PWWP2B: variants seen among roughly 807,000 people sequenced by gnomAD.
The protein encoded by PWWP2B is PWWP domain-containing protein 2B.
A neutral mutation model predicts 15.5 loss-of-function variants in PWWP2B; 9 were observed. That is an observed-to-expected ratio of 0.58 (90% CI 0.35 to 1.02). PWWP2B has a LOEUF of 1.02. PWWP2B is among the 50% of genes least tolerant of loss of function. The pLI, the probability that PWWP2B is intolerant of heterozygous loss-of-function variation, is 0.02. For synonymous variants in PWWP2B, 474 were observed against 403.6 expected, an observed-to-expected ratio of 1.17 and a Z score of -2.09; for missense variants, 864 against 865.3, an observed-to-expected ratio of 1.00 and a Z score of 0.02.
At chr10:132,399,416 C>T (rs978339260) in intron 1 of PWWP2B, among the ~76,000 whole-genome samples, 9 of 152,350 alleles carry the variant, frequency 5.9e-5, no homozygotes, top group Non-Finnish European at 1.0e-4. Context: ...CTCACACAGG[C>T]GCCGGGATGC....
At chr10:132,397,445 G>C in intron 1 of PWWP2B, 94 bp downstream of exon 1, 1 of 1,110,910 alleles carries the variant, frequency 9.0e-7, no homozygotes, top group Non-Finnish European at 1.1e-6. Flanking sequence ...CGGGTTGGGG[G>C]TGGCGTGGCC....
chr10:132,410,148 G>C (rs549632746), intron 2 of PWWP2B, among the ~76,000 whole-genome samples: 2 of 152,150 alleles, frequency 1.3e-5, no homozygotes, highest in South Asian at 4.1e-4. Flanking sequence ...GGAGAGTGAC[G>C]GGGGACGGGG....
rs199941379 is a variant in PWWP2B, at chr10:132,405,850, C to T, written c.1350C>T (p.His450=). The T allele has an allele frequency of 1.1e-5, 17 of 1,610,796 alleles. No individual in the cohort carries two copies. The highest frequency in any genetic ancestry group is 3.3e-5 in the South Asian group (3 of 91,026). Residue 450 remains histidine, a synonymous_variant, in exon 2 of 3, where the codon CAC becomes CAT. Transcript: ENST00000305233. ...ACACGGGTGACCTCTCGCCTGGCCA[C>T]GGCGCGTCAGCGCCCTCGGTGTCCA... The part of the protein sequence containing the change: ...PADTGDLSPG[H]GASAPSVSRE...
At chr10:132,413,936 C>T (rs116667733) in intron 2 of PWWP2B, among the ~76,000 whole-genome samples, 2,963 of 152,258 alleles carry the variant, frequency 0.019, 92 homozygotes, top group African/African-American at 0.067. Flanking sequence ...GCACGAGACT[C>T]CGACCCCGTG....
chr10:132,400,471 C>G (rs559672957), intron 1 of PWWP2B, among the ~76,000 whole-genome samples: 6 of 152,246 alleles, frequency 3.9e-5, no homozygotes, highest in African/African-American at 1.4e-4. Flanking sequence ...CCTGGAGATC[C>G]TGGGGCAGGT....
In PWWP2B at chr10:132,406,107, C is replaced by T. The variant is rs878904068; in HGVS notation, c.1607C>T (p.Thr536Met). Residue 536 changes from threonine (T) to methionine (M), a missense_variant, in exon 2 of 3, where the codon ACG becomes ATG. This residue lies in a region of PWWP2B where 128 missense variants were observed against 177.6 expected (regional missense o/e 0.72). Transcript: ENST00000305233. Reference protein sequence around the residue: ...AKVSWFGSPTTSFLSISKLSP... With the variant: ...AKVSWFGSPTMSFLSISKLSP... ...GTCTCGTGGTTTGGTTCTCCGACTACGTCGTTCTTGTCTATTTCAAAACTC... is the reference window on the plus strand; with the variant it reads ...GTCTCGTGGTTTGGTTCTCCGACTATGTCGTTCTTGTCTATTTCAAAACTC... The T allele has an allele frequency of 4.3e-6, 7 of 1,613,858 alleles. No homozygotes were observed. In the South Asian group the frequency reaches 4.4e-5, roughly 10 times the overall value.
intron 1 of PWWP2B, 129 bp downstream of exon 1, chr10:132,397,480 C>G (rs1590753061): frequency 6.2e-6 from 6 of 975,382 alleles, no homozygotes; most frequent in African/African-American, 1.8e-5. Context: ...CGGTTTCTGC[C>G]GAGCCTGAGT....
chr10:132,401,499 A>G (rs2069615666), intron 1 of PWWP2B, among the ~76,000 whole-genome samples: 1 of 151,984 alleles, frequency 6.6e-6, no homozygotes, highest in East Asian at 1.9e-4. Context: ...ATCTAGCTCC[A>G]GGGCCACTCC....
intron 1 of PWWP2B, among the ~76,000 whole-genome samples, chr10:132,403,758 C>T (rs908249668): frequency 4.6e-5 from 7 of 151,306 alleles, no homozygotes; most frequent in South Asian, 2.1e-4. Flanking sequence ...CTGTGGCAGC[C>T]GCGGGGCCTT....
At chr10:132,414,106 G>A (rs1464111169) in intron 2 of PWWP2B, among the ~76,000 whole-genome samples, 1 of 152,232 alleles carries the variant, frequency 6.6e-6, no homozygotes, top group Non-Finnish European at 1.5e-5. Context: ...GTGAGGAGCG[G>A]CCAGTGCTGC....
chr10:132,409,168 C>T lies in PWWP2B; in HGVS notation c.*16+2879C>T, dbSNP rs532702572. On this transcript the variant is annotated intron_variant, in intron 2 of 2. Coordinates refer to ENST00000305233, the MANE Select transcript of PWWP2B (RefSeq NM_138499.4). ...CCTCTGAGTGAGCCGCACTCCACCC[C>T]GGTGGTCACGGCCGGCTCCAGGGCC... is the stretch of plus-strand genomic sequence containing the variant. 3.8e-3 allele frequency among the ~76,000 whole-genome samples: 579 copies of T among 152,322 alleles called. 2 individuals are homozygous for T. Among genetic ancestry groups the T allele is most frequent in the African/African-American group, 0.013 (556 of 41,580 alleles).
chr10:132,401,976 C>G (rs956080511), intron 1 of PWWP2B, among the ~76,000 whole-genome samples: 1 of 152,198 alleles, frequency 6.6e-6, no homozygotes, highest in East Asian at 1.9e-4. Context: ...CGCTGGGGTG[C>G]GGCCTGGGCA....
chr10:132,405,758 G>A lies in PWWP2B; in HGVS notation c.1258G>A (p.Glu420Lys). The A allele has an allele frequency of 6.2e-7, 1 of 1,607,728 alleles. No homozygotes were observed. Among genetic ancestry groups the A allele is most frequent in the Non-Finnish European group, 8.5e-7 (1 of 1,179,822 alleles). The change falls in exon 2 of 3, where the codon GAG becomes AAG. Residue 420 changes from glutamate (E) to lysine (K), a missense_variant. Around this residue, in one of 2 missense-constraint regions of PWWP2B, gnomAD observed 736 missense variants for 687.7 expected, o/e 1.07. Coordinates refer to ENST00000305233, the MANE Select transcript of PWWP2B (RefSeq NM_138499.4). The part of the protein sequence containing the change: ...CPEGRADCAS[E>K]SACSSDSLDE... ...TGAGGGGAGAGCGGACTGTGCCAGT[G>A]AGTCGGCGTGCAGCAGCGACAGCCT...
intron 2 of PWWP2B, among the ~76,000 whole-genome samples, chr10:132,408,725 C>G (rs773961835): frequency 6.6e-6 from 1 of 152,242 alleles, no homozygotes; most frequent in Non-Finnish European, 1.5e-5. Context: ...GCAGGCACCA[C>G]GAGATCGGCT....
chr10:132,397,953 G>T (rs1174961144), intron 1 of PWWP2B, among the ~76,000 whole-genome samples: 1 of 152,142 alleles, frequency 6.6e-6, no homozygotes, highest in African/African-American at 2.4e-5. Flanking sequence ...CTGGCTTCCT[G>T]GGTGGGGGGC....
At position 132,417,269 on chromosome 10, in the gene PWWP2B, T is replaced by G; in HGVS notation, c.*225T>G. On this transcript the variant is annotated 3_prime_UTR_variant, in exon 3 of 3. Transcript: ENST00000305233. The stretch of plus-strand genomic sequence containing the variant: ...CGCTGAGTGTATTTCTTCCCACCAC[T>G]CAGCGCATGGCTGCCCTGGCTCACG... 1 of 645,050 alleles carries G rather than the reference T, an allele frequency of 1.6e-6. No individual in the cohort carries two copies. The highest frequency in any genetic ancestry group is 2.7e-5 in the East Asian group (1 of 37,036). 40.0% of individuals were successfully genotyped at this position (645,050 alleles called of 1,614,324 possible). A position where few individuals can be genotyped will look rare whatever the true frequency, so the allele number is the denominator to read the frequency against.
At chr10:132,403,176 G>T (rs1211169048) in intron 1 of PWWP2B, among the ~76,000 whole-genome samples, 2 of 152,208 alleles carry the variant, frequency 1.3e-5, no homozygotes, top group African/African-American at 4.8e-5. Context: ...GGCCAGAGGA[G>T]AATGGGGCGG....
In PWWP2B at chr10:132,404,785, G is replaced by A. The variant is rs1345552358; in HGVS notation, c.285G>A (p.Glu95=). ...PPPARGVQPP[E]TTRPEPPPPL... The stretch of plus-strand genomic sequence containing the variant: ...CTGCCCGCGGGGTTCAGCCCCCCGA[G>A]ACCACCCGCCCCGAGCCACCCCCGC... Residue 95 remains glutamate, a synonymous_variant, in exon 2 of 3, where the codon GAG becomes GAA. Transcript: ENST00000305233. 6.5e-7 allele frequency: 1 copy of A among 1,534,430 alleles called. No homozygotes were observed. The highest frequency in any genetic ancestry group is 1.4e-5 in the African/African-American group (1 of 72,892).
chr10:132,415,711 C>G (rs952081576), intron 2 of PWWP2B, among the ~76,000 whole-genome samples: 12 of 127,156 alleles, frequency 9.4e-5, no homozygotes, highest in Admixed American at 1.7e-4. Context: ...TCACACACAT[C>G]CACTCACACA....
Sources: gnomAD v4.1 joint callset for allele counts (sites outside exome capture counted in the v4.1 genomes callset) on GRCh38, gnomAD v4.1.1 for gene constraint, gnomAD v4.1.1 regional missense constraint, MANE v1.5 for transcripts, NCBI Gene and HGNC (gene_info 2026-07-23, HGNC 2026-07-21) for gene names.